Variants in ELN observed in about 807,000 individuals in gnomAD.
ELN encodes tropoelastin.
ELN carries 65 observed loss-of-function variants against 105.8 expected under a neutral mutation model. The observed-to-expected ratio is 0.61, with a 90% CI of 0.50 to 0.75. The LOEUF is 0.75. ELN is among the 30% of genes least tolerant of loss of function. The pLI, the probability that ELN is intolerant of heterozygous loss-of-function variation, is 0.00. For synonymous variants in ELN, 368 were observed against 389.2 expected (o/e 0.95, Z 0.64); for missense variants, 882 against 969.4 (o/e 0.91, Z 1.20).
chr7:74,028,752 C>T (rs569974259), intron 1 of ELN, among the ~76,000 whole-genome samples: 1 of 152,316 alleles, frequency 6.6e-6, no homozygotes, highest in East Asian at 1.9e-4. Flanking sequence ...CCTGGGAAGC[C>T]GGGATCCCCC....
chr7:74,039,144 T>C (rs1418809909), intron 4 of ELN, among the ~76,000 whole-genome samples: 1 of 152,156 alleles, frequency 6.6e-6, no homozygotes, highest in Non-Finnish European at 1.5e-5. Context: ...AAGAGACACA[T>C]AGCAGGTTGT....
At chr7:74,064,276 G>T (rs537839573) in intron 29 of ELN, among the ~76,000 whole-genome samples, 7 of 151,534 alleles carry the variant, frequency 4.6e-5, no homozygotes, top group Non-Finnish European at 1.0e-4. Context: ...TTAGCTGGGC[G>T]TGGTGGCAGA....
chr7:74,053,288 A>G lies in ELN; in HGVS notation c.1075A>G (p.Ile359Val), dbSNP rs1190018054. ...GATTCCAGTTGTCCCAGGTGCTGGG[A>G]TCCCAGGTGCTGCGGTTCCAGGTGA... is the stretch of plus-strand genomic sequence containing the variant. ...AGIPVVPGAGIPGAAVPGVVS... is the reference protein window; with the variant it reads ...AGIPVVPGAGVPGAAVPGVVS... Residue 359 changes from isoleucine (I) to valine (V), a missense_variant, in exon 18 of 33, where the codon ATC becomes GTC. Transcript: ENST00000252034. 1.2e-6 allele frequency: 2 copies of G among 1,612,270 alleles called. No homozygotes were observed. The highest frequency in any genetic ancestry group is 1.7e-6 in the Non-Finnish European group (2 of 1,179,628).
At position 74,046,875 on chromosome 7, in the gene ELN, G is replaced by C; in HGVS notation, c.643+108G>C. The C allele has an allele frequency of 5.5e-6, 7 of 1,279,706 alleles. 1 individual carries two copies. In the South Asian group the frequency reaches 8.6e-5, roughly 16 times the overall value. 79.3% of individuals were successfully genotyped at this position (1,279,706 alleles called of 1,614,324 possible). ...AAGGCGGGCAGATCACTTGAGGTCAGGAGTTCAAGACTAGCCTGGCCAACA... is the reference window on the plus strand; with the variant it reads ...AAGGCGGGCAGATCACTTGAGGTCACGAGTTCAAGACTAGCCTGGCCAACA... On this transcript the variant is annotated intron_variant, in intron 12 of 32. Coordinates refer to ENST00000252034, the MANE Select transcript of ELN (RefSeq NM_000501.4).
At chr7:74,044,000 C>A in intron 9 of ELN, 80 bp downstream of exon 9, 1 of 1,564,606 alleles carries the variant, frequency 6.4e-7, no homozygotes, top group Non-Finnish European at 8.7e-7. Flanking sequence ...AATCCCATTG[C>A]TTTGGGAGAC....
In ELN at chr7:74,063,520, G is replaced by C; in HGVS notation, c.1919-101G>C. The C allele has an allele frequency of 6.2e-7, 1 of 1,610,242 alleles. No homozygotes were observed. The highest frequency in any genetic ancestry group is 8.5e-7 in the Non-Finnish European group (1 of 1,178,128). On this transcript the variant is annotated intron_variant, in intron 28 of 32. Coordinates refer to ENST00000252034, the MANE Select transcript of ELN (RefSeq NM_000501.4). This position sits in a 1 kb window ranked among gnomAD's most constrained non-coding sequence, Gnocchi z 4.1. ...CATCGAAGGCCAGGGGAGACCTCAG[G>C]CTCCACCTGTGTCCCCAGAGGACAC...
At chr7:74,043,498 C>G (rs1791735741) in intron 8 of ELN, 1 of 683,846 alleles carries the variant, frequency 1.5e-6, no homozygotes, top group East Asian at 2.8e-5. Context: ...CTGGGGGAGC[C>G]CCGTGTCCTC....
At chr7:74,052,798 AAAGG>A (rs1300114288) in intron 17 of ELN, 52 of 253,408 alleles carry the variant, frequency 2.1e-4, no homozygotes, top group Middle Eastern at 1.4e-3. Context: ...AAAGAAAGGG[AAAGG>A]AAGGAAGGAA....
At chr7:74,046,513 G>A in intron 11 of ELN, 183 bp from the exon 12 acceptor site, 1 of 743,148 alleles carries the variant, frequency 1.3e-6, no homozygotes, top group Non-Finnish European at 2.3e-6. Flanking sequence ...GCTTCCTGGA[G>A]GAAGTGGCCT....
chr7:74,059,916 G>T lies in ELN; in HGVS notation c.1445G>T (p.Gly482Val). ...GTTCCTGGTGTCGGCGTGGCTCCTG[G>T]AGTTGGCGTGGCTCCTGGTGTCGGT... ...GLVPGVGVAP[G>V]VGVAPGVGVA... Residue 482 changes from glycine to valine, a missense_variant, in exon 23 of 33, where the codon GGA becomes GTA. By Grantham distance (109) the Gly-to-Val change is moderately radical (BLOSUM62 -3). Coordinates refer to ENST00000252034, the MANE Select transcript of ELN (RefSeq NM_000501.4). 6.5e-7 allele frequency: 1 copy of T among 1,536,036 alleles called. No homozygotes were observed. Among genetic ancestry groups the T allele is most frequent in the Non-Finnish European group, 9.0e-7 (1 of 1,109,280 alleles).
chr7:74,028,593 G>T (rs1787962189), intron 1 of ELN, among the ~76,000 whole-genome samples: 1 of 152,164 alleles, frequency 6.6e-6, no homozygotes, highest in Non-Finnish European at 1.5e-5. Flanking sequence ...CTGGGGGAGG[G>T]CCCAGCGGGA....
chr7:74,029,347 C>T (rs535175751), intron 1 of ELN, among the ~76,000 whole-genome samples: 13 of 152,222 alleles, frequency 8.5e-5, no homozygotes, highest in African/African-American at 3.1e-4. Flanking sequence ...GCTATGTGCC[C>T]CAACCCAGGC....
chr7:74,069,737 T>C lies in ELN; in HGVS notation c.*1037T>C. ...CTTTTGGTTTTATTGTTGTGGTTCA[T>C]TGAAAAAAAAAGATAATTTTTTTTT... On this transcript the variant is annotated 3_prime_UTR_variant, in exon 33 of 33. Coordinates refer to ENST00000252034, the MANE Select transcript of ELN (RefSeq NM_000501.4). 3 of 229,968 alleles carry C rather than the reference T, an allele frequency of 1.3e-5. No individual in the cohort carries two copies. Among genetic ancestry groups the C allele is most frequent in the Non-Finnish European group, 2.6e-5 (3 of 116,038 alleles). 14.2% of individuals were successfully genotyped at this position (229,968 alleles called of 1,614,324 possible). A position where few individuals can be genotyped will look rare whatever the true frequency, so the allele number is the denominator to read the frequency against.
intron 31 of ELN, 46 bp downstream of exon 31, chr7:74,066,043 T>C (rs1554689049): frequency 1.2e-6 from 2 of 1,613,254 alleles, no homozygotes; most frequent in South Asian, 2.2e-5. Context: ...TCTGTCCCGA[T>C]CTAGAGGGGG....
At chr7:74,035,271 G>A in intron 1 of ELN, 93 bp from the exon 2 acceptor site, 1 of 1,255,246 alleles carries the variant, frequency 8.0e-7, no homozygotes, top group Non-Finnish European at 1.2e-6. Flanking sequence ...TGTGGGTTTT[G>A]CCATTGAAAG....
chr7:74,057,541 G>A lies in ELN; in HGVS notation c.1358-99G>A, dbSNP rs940067746. On this transcript the variant is annotated intron_variant, in intron 21 of 32. Coordinates refer to ENST00000252034, the MANE Select transcript of ELN (RefSeq NM_000501.4). ...AGGGTCCCTGGAGTTGACCAAGGTCGACTGCACCATTTTACAAATGGGAAG... is the reference window on the plus strand; with the variant it reads ...AGGGTCCCTGGAGTTGACCAAGGTCAACTGCACCATTTTACAAATGGGAAG... 9 of 1,602,268 alleles carry A rather than the reference G, an allele frequency of 5.6e-6. No individual in the cohort carries two copies. In the African/African-American group the frequency reaches 8.0e-5, roughly 14 times the overall value.
chr7:74,053,345 TG>T, intron 18 of ELN, 36 bp downstream of exon 18: 12 of 1,604,298 alleles, frequency 7.5e-6, no homozygotes, highest in Admixed American at 1.7e-5. Flanking sequence ...TGTGTGTGTG[TG>T]TGTGTGTGTG....
At chr7:74,039,369 C>T (rs966893714) in intron 4 of ELN, among the ~76,000 whole-genome samples, 4 of 152,304 alleles carry the variant, frequency 2.6e-5, no homozygotes, top group Middle Eastern at 3.4e-3. Flanking sequence ...ATGACCTCCC[C>T]GAAGACTCAG....
chr7:74,052,134 A>G (rs755404650), intron 17 of ELN, 151 bp downstream of exon 17: 1 of 825,890 alleles, frequency 1.2e-6, no homozygotes, highest in East Asian at 2.7e-5. Flanking sequence ...TGATCACTCT[A>G]CCTGAGATGC....
Sources: gnomAD v4.1 joint callset for allele counts (sites outside exome capture counted in the v4.1 genomes callset) on GRCh38, gnomAD v4.1.1 for gene constraint, Gnocchi (gnomAD v3.1) non-coding constraint, MANE v1.5 for transcripts, NCBI Gene and HGNC (gene_info 2026-07-23, HGNC 2026-07-21) for gene names.